THSD7A: variants seen among roughly 807,000 people sequenced by gnomAD.
THSD7A encodes thrombospondin type 1 domain containing 7A, also known as thrombospondin type-1 domain-containing protein 7A.
In THSD7A, 96 loss-of-function variants were observed where a neutral mutation model predicts 231.3. The observed-to-expected ratio is 0.41, with a 90% CI of 0.35 to 0.49. THSD7A has a LOEUF of 0.49. Ranked by LOEUF, THSD7A falls within the 20% of genes least tolerant of loss-of-function variation. The pLI is 0.05. For missense variants in THSD7A, 2,290 were observed against 2,070.2 expected (o/e 1.11, Z -2.06); for synonymous variants, 940 against 743.3 (o/e 1.26, Z -4.30).
intron 9 of THSD7A, among the ~76,000 whole-genome samples, chr7:11,464,458 G>C (rs771561063): frequency 1.3e-5 from 2 of 152,116 alleles, no homozygotes; most frequent in Non-Finnish European, 2.9e-5. Context: ...GGCACCTGGT[G>C]CATAGCCAGG....
Position 11,469,190 on chromosome 7 carries a change from T to A in THSD7A, c.2368+689A>T, listed in dbSNP as rs554402918. ...AAGAAATAGGAGACAGCGTCATTTGTAACACTGCAGGAAAATTTGCTCAGT... is the reference window on the plus strand; with the variant it reads ...AAGAAATAGGAGACAGCGTCATTTGAAACACTGCAGGAAAATTTGCTCAGT... On this transcript the variant is annotated intron_variant, in intron 9 of 27. Coordinates refer to ENST00000423059, the MANE Select transcript of THSD7A (RefSeq NM_015204.3). Among the ~76,000 whole-genome samples the A allele has an allele frequency of 1.4e-4, 21 of 152,292 alleles. 1 individual carries two copies. In the South Asian group the frequency reaches 4.4e-3, roughly 32 times the overall value.
intron 1 of THSD7A, among the ~76,000 whole-genome samples, chr7:11,794,768 T>A (rs752008661): frequency 6.6e-6 from 1 of 151,930 alleles, no homozygotes; most frequent in Non-Finnish European, 1.5e-5. Flanking sequence ...CACTCTACTA[T>A]CCTACAAAAG....
intron 1 of THSD7A, among the ~76,000 whole-genome samples, chr7:11,779,385 C>G (rs1199244007): frequency 6.6e-6 from 1 of 152,132 alleles, no homozygotes; most frequent in African/African-American, 2.4e-5. Context: ...ATTAGGTGCC[C>G]TTTCCCTTAT....
At chr7:11,409,762 G>C (rs1434362025) in intron 19 of THSD7A, among the ~76,000 whole-genome samples, 1 of 151,176 alleles carries the variant, frequency 6.6e-6, no homozygotes, top group East Asian at 1.9e-4. Context: ...TTTTTTTTGA[G>C]ATGGAGTTTT....
rs1021608724 is a variant in THSD7A at position 11,590,312 on chromosome 7, A to G, written c.1453+148T>C. On this transcript the variant is annotated intron_variant, in intron 4 of 27. Coordinates refer to ENST00000423059, the MANE Select transcript of THSD7A (RefSeq NM_015204.3). This position sits in a 1 kb window ranked among gnomAD's most constrained non-coding sequence, Gnocchi z 4.4. The stretch of plus-strand genomic sequence containing the variant: ...AAATATTTTCACAACCATAATGTGG[A>G]TTACTGTTTACCATAGTGAATACCA... The G allele has an allele frequency of 1.9e-5, 12 of 646,866 alleles. No individual in the cohort carries two copies. The African/African-American group carries it at 1.9e-4, about 10-fold the overall frequency. The allele number at this position is 646,866 out of a possible 1,614,324, so 40.1% of individuals were successfully genotyped here.
At chr7:11,671,303 C>A (rs10253300) in intron 1 of THSD7A, among the ~76,000 whole-genome samples, 94,844 of 151,930 alleles carry the variant, frequency 0.62, 30,217 homozygotes, top group African/African-American at 0.75. Context: ...AAAACATTAC[C>A]AACTCCTGGG....
At chr7:11,562,506 G>C (rs1486950624) in intron 4 of THSD7A, among the ~76,000 whole-genome samples, 2 of 151,966 alleles carry the variant, frequency 1.3e-5, no homozygotes, top group African/African-American at 4.8e-5. Context: ...TGTCATCCCT[G>C]TAAATCTACC....
intron 1 of THSD7A, among the ~76,000 whole-genome samples, chr7:11,754,915 A>C (rs368365123): frequency 2.0e-5 from 3 of 152,160 alleles, no homozygotes; most frequent in East Asian, 3.9e-4. Context: ...ATACATGATC[A>C]GTGGTTCTCT....
intron 13 of THSD7A, among the ~76,000 whole-genome samples, chr7:11,439,401 C>A (rs1040462434): frequency 1.3e-5 from 2 of 151,936 alleles, no homozygotes; most frequent in African/African-American, 4.8e-5. Context: ...CTTTGTGTCT[C>A]CGTGTCACAT....
intron 11 of THSD7A, among the ~76,000 whole-genome samples, chr7:11,454,298 T>A (rs1232240299): frequency 6.6e-6 from 1 of 151,900 alleles, no homozygotes; most frequent in African/African-American, 2.4e-5. Context: ...TTTTACTTCT[T>A]ATGCCATTAT....
intron 1 of THSD7A, among the ~76,000 whole-genome samples, chr7:11,777,913 G>T (rs1187596114): frequency 6.6e-6 from 1 of 151,464 alleles, no homozygotes; most frequent in Non-Finnish European, 1.5e-5. Flanking sequence ...ACTTTGGGAG[G>T]CCGAGGCGGG....
chr7:11,504,416 G>A (rs560150837), intron 6 of THSD7A, among the ~76,000 whole-genome samples: 14 of 152,110 alleles, frequency 9.2e-5, no homozygotes, highest in African/African-American at 3.4e-4. Context: ...CTAATAATGT[G>A]TACAACAAAA....
Position 11,737,007 on chromosome 7 carries a change from G to A in THSD7A, c.190+94750C>T, listed in dbSNP as rs181896626. On this transcript the variant is annotated intron_variant, in intron 1 of 27. Transcript: ENST00000423059. ...TCATTCTTCTCTCTTCTGCTGCCAC[G>A]TGAAGAAGGACATGTTTGCTTTCCC... Among the ~76,000 whole-genome samples the A allele has an allele frequency of 1.1e-3, 169 of 152,014 alleles. 2 individuals carry two copies. The highest frequency in any genetic ancestry group is 3.8e-3 in the African/African-American group (157 of 41,498).
At chr7:11,604,890 T>C (rs1262441265) in intron 2 of THSD7A, among the ~76,000 whole-genome samples, 2 of 152,082 alleles carry the variant, frequency 1.3e-5, no homozygotes, top group Admixed American at 6.6e-5. Context: ...ATATGCTTCT[T>C]AGAAATCACA....
chr7:11,791,848 T>A (rs1456354860), intron 1 of THSD7A, among the ~76,000 whole-genome samples: 1 of 151,998 alleles, frequency 6.6e-6, no homozygotes, highest in East Asian at 1.9e-4. Flanking sequence ...CATCCTGTTC[T>A]TTTTTGCTGC....
intron 6 of THSD7A, among the ~76,000 whole-genome samples, chr7:11,510,215 C>G (rs189149883): frequency 7.2e-5 from 11 of 152,280 alleles, no homozygotes; most frequent in African/African-American, 2.6e-4. Flanking sequence ...CCTCCCAAGA[C>G]TAAACCAGGA....
chr7:11,582,723 A>ATT (rs1791218874), intron 4 of THSD7A, among the ~76,000 whole-genome samples: 1 of 152,134 alleles, frequency 6.6e-6, no homozygotes, highest in Non-Finnish European at 1.5e-5. Context: ...TGAATATATA[A>ATT]TTAGTGTTGT....
chr7:11,477,069 A>G (rs1000624795), intron 7 of THSD7A, among the ~76,000 whole-genome samples: 2 of 152,180 alleles, frequency 1.3e-5, no homozygotes, highest in Non-Finnish European at 2.9e-5. Context: ...ATCAGAATAT[A>G]AACAGATAAG....
chr7:11,387,051 T>C lies in THSD7A; in HGVS notation c.4412-4435A>G, dbSNP rs544380643. On this transcript the variant is annotated intron_variant, in intron 23 of 27. Coordinates refer to ENST00000423059, the MANE Select transcript of THSD7A (RefSeq NM_015204.3). ...TGTGGTGTTATTTCTGAGGCCTCTA[T>C]TGTGTTCCATTGGTCTATATATCTG... 3.9e-5 allele frequency among the ~76,000 whole-genome samples: 6 copies of C among 152,286 alleles called. No homozygotes were observed. In the East Asian group the frequency reaches 9.7e-4, roughly 24 times the overall value.
Sources: allele counts gnomAD v4.1 joint callset (sites outside exome capture counted in the v4.1 genomes callset), GRCh38; gene constraint gnomAD v4.1.1; non-coding constraint Gnocchi (gnomAD v3.1); transcripts MANE v1.5; gene names NCBI Gene and HGNC (gene_info 2026-07-23, HGNC 2026-07-21).